Variants in SPG7 observed in about 807,000 individuals in gnomAD.
SPG7 encodes SPG7 matrix AAA peptidase subunit, paraplegin.
Under a neutral mutation model 81.9 loss-of-function variants are expected in SPG7, and 103 were observed. The ratio of observed to expected loss-of-function variants is 1.26; its 90% CI spans 1.07 to 1.48. The LOEUF (loss-of-function observed/expected upper bound fraction) is 1.48, where lower values mean the gene tolerates loss of function less well. Among genes scored for constraint, SPG7 ranks in the 40% most tolerant of loss-of-function variants. SPG7 has a pLI of 0.00. For synonymous variants in SPG7, 534 were observed against 444.2 expected, an observed-to-expected ratio of 1.20 and a Z score of -2.54; for missense variants, 1,241 against 1,087.3, an observed-to-expected ratio of 1.14 and a Z score of -1.99.
intron 7 of SPG7, chr16:89,531,167 C>T: frequency 8.0e-6 from 3 of 377,326 alleles, no homozygotes; most frequent in South Asian, 6.5e-5. Flanking sequence ...TTACACGTTT[C>T]CTCCGCGGGC....
chr16:89,526,521 A>G, intron 5 of SPG7, 53 bp downstream of exon 5: 3 of 1,607,546 alleles, frequency 1.9e-6, no homozygotes, highest in Non-Finnish European at 2.6e-6. Context: ...TGGCTTTGTA[A>G]TCTGAGAAAC....
intron 9 of SPG7, chr16:89,532,933 G>C: frequency 2.4e-6 from 1 of 421,836 alleles, no homozygotes; most frequent in Non-Finnish European, 4.5e-6. Context: ...AAATACAAAA[G>C]TCAGCCGGGT....
At chr16:89,550,186 T>G (rs1240156288) in intron 12 of SPG7, 2 of 365,978 alleles carry the variant, frequency 5.5e-6, no homozygotes, top group Middle Eastern at 9.5e-4. Flanking sequence ...TTTTGTTTGT[T>G]TTTTGAGACG....
intron 9 of SPG7, chr16:89,541,204 A>G (rs1276621727): frequency 1.0e-6 from 1 of 979,142 alleles, no homozygotes; most frequent in African/African-American, 1.8e-5. Context: ...CTACGCAGAA[A>G]TAGAAGAGCT....
At chr16:89,538,348 T>C (rs1196886471) in intron 9 of SPG7, 1 of 151,932 alleles carries the variant, frequency 6.6e-6, no homozygotes, top group Non-Finnish European at 1.5e-5. Context: ...ACAAGAGCCA[T>C]TTAGAGAGCA....
At chr16:89,518,551 AAAG>A (rs1388451811) in intron 3 of SPG7, 7 of 152,120 alleles carry the variant, frequency 4.6e-5, no homozygotes, top group Non-Finnish European at 1.5e-5. Flanking sequence ...AGAGTGGAAA[AAAG>A]ACTCCGCTCA....
At chr16:89,540,418 C>T (rs980926506) in intron 9 of SPG7, 1 of 151,948 alleles carries the variant, frequency 6.6e-6, no homozygotes, top group Non-Finnish European at 1.5e-5. Context: ...GAGATTCTGT[C>T]TCTAAAAAAA....
chr16:89,517,559 T>C (rs2058116447), intron 3 of SPG7: 1 of 151,690 alleles, frequency 6.6e-6, no homozygotes, highest in South Asian at 2.1e-4. Flanking sequence ...TGCTTATGGA[T>C]GAGGCTGCGT....
chr16:89,518,067 C>T (rs1037571391), intron 3 of SPG7: 1 of 152,220 alleles, frequency 6.6e-6, no homozygotes, highest in Non-Finnish European at 1.5e-5. Flanking sequence ...CCCCTGGGCC[C>T]TCTGCTGTGG....
chr16:89,545,169 T>C (rs1412978207), intron 10 of SPG7: 3 of 347,040 alleles, frequency 8.6e-6, no homozygotes, highest in African/African-American at 4.3e-5. Flanking sequence ...ATCACTTCCT[T>C]CCATCCGTAG....
rs747785297 is a variant in SPG7, at chr16:89,530,764, C to T, written c.943C>T (p.His315Tyr). The change falls in exon 7 of 17, where the codon CAC becomes TAC. Residue 315 changes from histidine to tyrosine, a missense_variant. Coordinates refer to ENST00000645818, the MANE Select transcript of SPG7 (RefSeq NM_003119.4). The stretch of plus-strand genomic sequence containing the variant: ...CAGCTTCAAAGACGTGGCAGGAATG[C>T]ACGAAGCCAAACTGGAAGTCCGCGA... ...GVSFKDVAGM[H>Y]EAKLEVREFV... 39 of 1,614,036 alleles carry T rather than the reference C, an allele frequency of 2.4e-5. No individual in the cohort carries two copies. The highest frequency in any genetic ancestry group is 3.2e-5 in the Non-Finnish European group (38 of 1,180,028).
intron 16 of SPG7, chr16:89,556,627 C>G (rs2058689685): frequency 2.0e-6 from 1 of 505,146 alleles, no homozygotes; most frequent in Non-Finnish European, 3.6e-6. Flanking sequence ...AAAGAAATTG[C>G]AGTTGCCAAA....
chr16:89,556,413 G>A (rs535734827), intron 16 of SPG7: 23 of 272,376 alleles, frequency 8.4e-5, no homozygotes, highest in South Asian at 1.8e-4. Flanking sequence ...CCCAGGGGCA[G>A]GTCCACCGGC....
In SPG7 at chr16:89,529,528, T is replaced by C. The variant is rs143609448; in HGVS notation, c.810T>C (p.Tyr270=). 6.2e-7 allele frequency: 1 copy of C among 1,614,090 alleles called. No homozygotes were observed. Among genetic ancestry groups the C allele is most frequent in the African/African-American group, 1.3e-5 (1 of 75,060 alleles). The stretch of plus-strand genomic sequence containing the variant: ...CAGTGGGCCTGGCCATCCTGTGGTA[T>C]GTTTTCCGTCTGGCCGGGATGACTG... ...MTAVGLAILW[Y]VFRLAGMTGR... The change falls in exon 6 of 17, where the codon TAT becomes TAC. Residue 270 remains tyrosine (Y), a synonymous_variant. Coordinates refer to ENST00000645818, the MANE Select transcript of SPG7 (RefSeq NM_003119.4).
At position 89,530,907 on chromosome 16, in the gene SPG7, T is replaced by C; in HGVS notation, c.987+99T>C. 3.2e-6 allele frequency: 5 copies of C among 1,545,632 alleles called. 1 individual carries two copies. In the South Asian group the frequency reaches 4.5e-5, roughly 14 times the overall value. The stretch of plus-strand genomic sequence containing the variant: ...GGGACCTGGAATTCCATCGATGACG[T>C]GTCGTGGGTTGGCGGTGACCTCTAC... On this transcript the variant is annotated intron_variant, in intron 7 of 16. Transcript: ENST00000645818.
In SPG7 at chr16:89,513,142, G is replaced by T. The variant is rs112467227; in HGVS notation, c.376+105G>T. 2.4e-3 allele frequency: 3,643 copies of T among 1,494,258 alleles called. 78 individuals carry two copies. The African/African-American group carries it at 0.044, about 18-fold the overall frequency. The allele number at this position is 1,494,258 out of a possible 1,614,324, so 92.6% of individuals were successfully genotyped here. A position where few individuals can be genotyped will look rare whatever the true frequency, so the allele number is the denominator to read the frequency against. ...ACCAGTCTGGAAAATGGGGAGATGGGCCGGGTGCAGTGGCTCACACTTGTA... is the reference window on the plus strand; with the variant it reads ...ACCAGTCTGGAAAATGGGGAGATGGTCCGGGTGCAGTGGCTCACACTTGTA... On this transcript the variant is annotated intron_variant, in intron 3 of 16. Coordinates refer to ENST00000645818, the MANE Select transcript of SPG7 (RefSeq NM_003119.4).
chr16:89,534,930 C>A (rs1402949879), intron 9 of SPG7, among the ~76,000 whole-genome samples: 2 of 152,178 alleles, frequency 1.3e-5, no homozygotes, highest in Non-Finnish European at 2.9e-5. Context: ...GAGACAGGGT[C>A]TTGCTGTGTT....
Position 89,524,161 on chromosome 16 carries a change from G to A in SPG7, c.532G>A (p.Gly178Ser). 1.2e-6 allele frequency: 2 copies of A among 1,614,122 alleles called. No individual in the cohort carries two copies. Among genetic ancestry groups the A allele is most frequent in the Non-Finnish European group, 1.7e-6 (2 of 1,180,036 alleles). ...CTTTGTCCACGAGATGCTGGCCAAG[G>A]GCGAGGTGCAGCGCGTCCAGGTGGT... ...NDFVHEMLAK[G>S]EVQRVQVVPE... Residue 178 changes from glycine (G) to serine (S), a missense_variant, in exon 4 of 17, where the codon GGC becomes AGC. Coordinates refer to ENST00000645818, the MANE Select transcript of SPG7 (RefSeq NM_003119.4).
rs113931037 is a variant in SPG7, at chr16:89,546,567, G to A, written c.1450-91G>A. On this transcript the variant is annotated intron_variant, in intron 10 of 16. Transcript: ENST00000645818. Reference sequence around the variant, plus strand: ...CACACACTTGTAATCCCAGCTACTTGGGGACCCCCCCCCCCCACAGACAAA... The same window carrying A: ...CACACACTTGTAATCCCAGCTACTTAGGGACCCCCCCCCCCCACAGACAAA... The A allele has an allele frequency of 8.8e-5, 80 of 908,286 alleles. No individual in the cohort carries two copies. In the African/African-American group the frequency reaches 1.2e-3, roughly 14 times the overall value. 56.3% of individuals were successfully genotyped at this position (908,286 alleles called of 1,614,324 possible).
Sources: allele counts gnomAD v4.1 joint callset (sites outside exome capture counted in the v4.1 genomes callset), GRCh38; gene constraint gnomAD v4.1.1; transcripts MANE v1.5; gene names NCBI Gene and HGNC (gene_info 2026-07-23, HGNC 2026-07-21).